The following MAN2A1 variants were observed in gnomAD, a reference collection of about 807,000 sequenced individuals.
MAN2A1 encodes the protein mannosidase alpha class 2A member 1, also known as alpha-mannosidase 2.
MAN2A1 carries 76 observed loss-of-function variants against 142.6 expected under a neutral mutation model. That is an observed-to-expected ratio of 0.53 (90% confidence interval 0.44 to 0.65). The LOEUF (loss-of-function observed/expected upper bound fraction) is 0.65, where lower values mean the gene tolerates loss of function less well. MAN2A1 is among the 30% of genes least tolerant of loss of function. The pLI, the probability that MAN2A1 is intolerant of heterozygous loss-of-function variation, is 0.00. For missense variants in MAN2A1, 1,311 were observed against 1,365.1 expected, an observed-to-expected ratio of 0.96 and a Z score of 0.62; for synonymous variants, 559 against 473.2, an observed-to-expected ratio of 1.18 and a Z score of -2.35.
intron 1 of MAN2A1, among the ~76,000 whole-genome samples, chr5:109,691,892 G>C (rs564833706): frequency 1.3e-5 from 2 of 152,288 alleles, no homozygotes; most frequent in South Asian, 4.1e-4. Flanking sequence ...GAAGAAAACA[G>C]TTGGAAAAAG....
chr5:109,787,531 G>A (rs183227735), intron 10 of MAN2A1, among the ~76,000 whole-genome samples: 1 of 151,982 alleles, frequency 6.6e-6, no homozygotes. Context: ...TTTAAGCAAA[G>A]CAGCTCTATA....
At chr5:109,808,687 T>C (rs1276402632) in intron 12 of MAN2A1, among the ~76,000 whole-genome samples, 1 of 148,832 alleles carries the variant, frequency 6.7e-6, no homozygotes, top group African/African-American at 2.5e-5. Context: ...TATTTCTGTT[T>C]TTCTCCTTAC....
chr5:109,770,244 T>C, intron 6 of MAN2A1, 111 bp from the exon 7 acceptor site: 2 of 990,640 alleles, frequency 2.0e-6, no homozygotes, highest in Non-Finnish European at 3.0e-6. Context: ...GGCTGCTGAT[T>C]TAGCACAGAG....
intron 12 of MAN2A1, among the ~76,000 whole-genome samples, chr5:109,793,046 C>T (rs1753774058): frequency 6.6e-6 from 1 of 152,054 alleles, no homozygotes; most frequent in South Asian, 2.1e-4. Context: ...GAGGGAATTA[C>T]TCTCCATTTC....
At chr5:109,738,589 T>G (rs1332234780) in intron 4 of MAN2A1, among the ~76,000 whole-genome samples, 1 of 152,190 alleles carries the variant, frequency 6.6e-6, no homozygotes, top group East Asian at 1.9e-4. Context: ...TGTGTGGCTT[T>G]GAGCAAGTTA....
chr5:109,699,362 G>A (rs1750907836), intron 1 of MAN2A1: 1 of 152,102 alleles, frequency 6.6e-6, no homozygotes, highest in African/African-American at 2.4e-5. Flanking sequence ...ACAAGGATAC[G>A]GAATTTTAGG....
At chr5:109,845,621 G>A (rs1045040810) in intron 17 of MAN2A1, among the ~76,000 whole-genome samples, 3 of 152,078 alleles carry the variant, frequency 2.0e-5, no homozygotes, top group African/African-American at 7.2e-5. Flanking sequence ...AATTTAAATA[G>A]GAATGCCTAT....
chr5:109,706,445 C>G (rs945291751), intron 1 of MAN2A1, among the ~76,000 whole-genome samples: 1 of 152,186 alleles, frequency 6.6e-6, no homozygotes, highest in Non-Finnish European at 1.5e-5. Flanking sequence ...CACAGCCAGT[C>G]CAAGCAATGG....
intron 16 of MAN2A1, among the ~76,000 whole-genome samples, chr5:109,832,799 G>T (rs931827035): frequency 6.6e-6 from 1 of 151,818 alleles, no homozygotes; most frequent in African/African-American, 2.4e-5. Flanking sequence ...GGACGGGGCG[G>T]CTGGCTGGGT....
chr5:109,788,146 A>C (rs1176270642), intron 10 of MAN2A1, among the ~76,000 whole-genome samples: 4 of 151,518 alleles, frequency 2.6e-5, no homozygotes, highest in African/African-American at 9.7e-5. Flanking sequence ...AGGAGTTTCT[A>C]CGTACTTCTC....
At chr5:109,734,526 C>G (rs1005532276) in intron 4 of MAN2A1, among the ~76,000 whole-genome samples, 5 of 152,290 alleles carry the variant, frequency 3.3e-5, no homozygotes, top group African/African-American at 1.2e-4. Context: ...AAATTTCCCT[C>G]TACACACTGC....
intron 1 of MAN2A1, among the ~76,000 whole-genome samples, chr5:109,709,362 G>T (rs546882121): frequency 3.9e-5 from 6 of 152,108 alleles, no homozygotes; most frequent in Non-Finnish European, 8.8e-5. Flanking sequence ...ATATTGAGAG[G>T]GTTTAATCAA....
intron 11 of MAN2A1, 70 bp from the exon 12 acceptor site, chr5:109,789,390 G>A: frequency 1.2e-6 from 1 of 845,588 alleles, no homozygotes; most frequent in Non-Finnish European, 1.8e-6. Context: ...GAATTTGAAT[G>A]GTCTTCTGGT....
chr5:109,860,420 G>A (rs1352849723), intron 20 of MAN2A1, among the ~76,000 whole-genome samples: 9 of 152,158 alleles, frequency 5.9e-5, no homozygotes, highest in East Asian at 3.9e-4. Context: ...AGGGATGAGT[G>A]TTAGGTATTT....
chr5:109,743,508 G>A (rs968426970), intron 4 of MAN2A1, among the ~76,000 whole-genome samples: 4 of 152,100 alleles, frequency 2.6e-5, no homozygotes, highest in Non-Finnish European at 4.4e-5. Context: ...TAGTAAGTGT[G>A]GAAATAGGAC....
In MAN2A1 at chr5:109,788,855, G is replaced by T. The variant is rs550386641; in HGVS notation, c.1761-79G>T. 664 of 682,264 alleles carry T rather than the reference G, an allele frequency of 9.7e-4. 1 individual carries two copies. Among genetic ancestry groups the T allele is most frequent in the Non-Finnish European group, 1.6e-3 (601 of 377,170 alleles). The allele number at this position is 682,264 out of a possible 1,614,324, so 42.3% of individuals were successfully genotyped here. ...ACAAGATGAAGATACTGGTGGTTTG[G>T]CTATTAGTAATGAAACTGAAAATAT... On this transcript the variant is annotated intron_variant, in intron 10 of 21. Coordinates refer to ENST00000261483, the MANE Select transcript of MAN2A1 (RefSeq NM_002372.4).
chr5:109,791,082 C>T (rs893225676), intron 12 of MAN2A1, among the ~76,000 whole-genome samples: 2 of 151,898 alleles, frequency 1.3e-5, no homozygotes, highest in African/African-American at 2.4e-5. Flanking sequence ...AATGGAATTT[C>T]GGGGGCTATT....
In MAN2A1 at chr5:109,752,604, A is replaced by T. The variant is rs78541707; in HGVS notation, c.708-2725A>T. Reference sequence around the variant, plus strand: ...GTGATGGATAGATAGAATGGGGGGTACAGTGGGAGTGTTAGTTTAGCTTGG... The same window carrying T: ...GTGATGGATAGATAGAATGGGGGGTTCAGTGGGAGTGTTAGTTTAGCTTGG... On this transcript the variant is annotated intron_variant, in intron 4 of 21. Transcript: ENST00000261483. Among the ~76,000 whole-genome samples, 1,266 of 152,234 alleles carry T rather than the reference A, an allele frequency of 8.3e-3. 11 individuals carry two copies. The highest frequency in any genetic ancestry group is 0.012 in the Non-Finnish European group (834 of 68,002).
At chr5:109,797,017 AAACT>A (rs1379571076) in intron 12 of MAN2A1, among the ~76,000 whole-genome samples, 3 of 152,200 alleles carry the variant, frequency 2.0e-5, no homozygotes, top group Non-Finnish European at 4.4e-5. Flanking sequence ...TTTGTCAAAT[AAACT>A]AACTACGTTA....
Sources: gnomAD v4.1 joint callset for allele counts (sites outside exome capture counted in the v4.1 genomes callset) on GRCh38, gnomAD v4.1.1 for gene constraint, MANE v1.5 for transcripts, NCBI Gene and HGNC (gene_info 2026-07-23, HGNC 2026-07-21) for gene names.